Variants in PDZD2 observed in about 807,000 individuals in gnomAD.
The protein encoded by PDZD2 is PDZ domain-containing protein 2.
A neutral mutation model predicts 220.7 loss-of-function variants in PDZD2; 90 were observed. That is an observed-to-expected ratio of 0.41 (90% CI 0.34 to 0.49). The LOEUF is 0.49. Ranked by LOEUF, PDZD2 falls within the 20% of genes least tolerant of loss-of-function variation. The probability of loss-of-function intolerance (pLI) is 0.28; values close to 1 mark genes in which losing one functional copy is unlikely to be tolerated. For synonymous variants in PDZD2, 1,375 were observed against 1,450.5 expected (o/e 0.95, Z 1.18); for missense variants, 3,174 against 3,608.5 (o/e 0.88, Z 3.08).
At chr5:31,879,928 T>TC in intron 2 of PDZD2, among the ~76,000 whole-genome samples, 1 of 151,350 alleles carries the variant, frequency 6.6e-6, no homozygotes, top group Non-Finnish European at 1.5e-5. Context: ...TTTTTTTTTT[T>TC]TTAACACGGA....
intron 2 of PDZD2, among the ~76,000 whole-genome samples, chr5:31,982,110 C>G (rs532751726): frequency 2.6e-4 from 40 of 152,340 alleles, no homozygotes; most frequent in Admixed American, 1.0e-3. Flanking sequence ...CTCCAACAGC[C>G]TTTTGTCCTG....
intron 1 of PDZD2, among the ~76,000 whole-genome samples, chr5:31,655,965 G>T (rs1273308999): frequency 3.9e-5 from 6 of 152,186 alleles, no homozygotes; most frequent in Non-Finnish European, 8.8e-5. Flanking sequence ...GCATATTAGG[G>T]TTTAAATTGG....
At chr5:31,751,750 G>A (rs1273112133) in intron 1 of PDZD2, among the ~76,000 whole-genome samples, 1 of 152,130 alleles carries the variant, frequency 6.6e-6, no homozygotes, top group Admixed American at 6.5e-5. Flanking sequence ...TCAGCATCCT[G>A]GGAGAGGTGG....
intron 1 of PDZD2, among the ~76,000 whole-genome samples, chr5:31,759,470 G>A (rs1161871880): frequency 6.6e-6 from 1 of 152,084 alleles, no homozygotes. Context: ...AAAAGTGGGA[G>A]GTGGGAATGG....
chr5:31,732,638 A>C (rs1749601427), intron 1 of PDZD2, among the ~76,000 whole-genome samples: 1 of 152,212 alleles, frequency 6.6e-6, no homozygotes, highest in African/African-American at 2.4e-5. Context: ...TTCCTTGGAG[A>C]AGGCCATTTC....
intron 2 of PDZD2, among the ~76,000 whole-genome samples, chr5:31,862,737 T>A (rs1352602574): frequency 6.6e-6 from 1 of 151,882 alleles, no homozygotes; most frequent in East Asian, 1.9e-4. Flanking sequence ...ATTTTTATAT[T>A]TTTTTTCCAA....
At chr5:31,796,513 G>A (rs370228871) in intron 1 of PDZD2, among the ~76,000 whole-genome samples, 1 of 152,008 alleles carries the variant, frequency 6.6e-6, no homozygotes, top group African/African-American at 2.4e-5. Context: ...CCTGCCACAG[G>A]GTAGAAACTA....
chr5:31,682,968 TGG>T (rs1487568663), intron 1 of PDZD2, among the ~76,000 whole-genome samples: 5 of 152,076 alleles, frequency 3.3e-5, no homozygotes, highest in African/African-American at 1.2e-4. Flanking sequence ...CCAAGTCAGA[TGG>T]GAGTCATTTT....
intron 3 of PDZD2, among the ~76,000 whole-genome samples, chr5:31,984,634 A>G (rs1286036474): frequency 6.6e-6 from 1 of 150,920 alleles, no homozygotes; most frequent in African/African-American, 2.5e-5. Flanking sequence ...GAGGCTAAGG[A>G]TGGTAGATCA....
In PDZD2 at chr5:31,672,301, G is replaced by A. The variant is rs544186529; in HGVS notation, c.-361+32864G>A. Among the ~76,000 whole-genome samples, 15 of 152,240 alleles carry A rather than the reference G, an allele frequency of 9.9e-5. No homozygotes were observed. The South Asian group carries it at 1.9e-3, about 19-fold the overall frequency. On this transcript the variant is annotated intron_variant, in intron 1 of 24. Coordinates refer to ENST00000438447, the MANE Select transcript of PDZD2 (RefSeq NM_178140.4). ...AGTCTGCATTTCTGTTGCCCTCCTC[G>A]CCAAAGCTGCTACAGCCAATTGGTG...
chr5:31,764,833 T>C (rs1264548200), intron 1 of PDZD2, among the ~76,000 whole-genome samples: 1 of 152,132 alleles, frequency 6.6e-6, no homozygotes, highest in Non-Finnish European at 1.5e-5. Flanking sequence ...TCCCAGCACT[T>C]TGGGAGGCCA....
At chr5:31,907,880 C>T (rs186054033) in intron 2 of PDZD2, among the ~76,000 whole-genome samples, 2 of 151,864 alleles carry the variant, frequency 1.3e-5, no homozygotes, top group African/African-American at 2.4e-5. Flanking sequence ...GTCAGGAGTT[C>T]GAGACCAGCC....
chr5:31,855,091 C>T (rs908848287), intron 2 of PDZD2: 4 of 985,392 alleles, frequency 4.1e-6, no homozygotes, highest in Non-Finnish European at 4.8e-6. Flanking sequence ...AGCGGATTAC[C>T]CGGCGCCCAG....
At chr5:31,680,877 G>T (rs72753596) in intron 1 of PDZD2, among the ~76,000 whole-genome samples, 4,313 of 152,208 alleles carry the variant, frequency 0.028, 90 homozygotes, top group South Asian at 0.1. Context: ...AGAGATGCCT[G>T]CCCCACAGCA....
intron 1 of PDZD2, among the ~76,000 whole-genome samples, chr5:31,677,615 TAAAAAAAAAAAAAAAAA>T (rs772919181): frequency 1.6e-5 from 2 of 128,024 alleles, no homozygotes; most frequent in Non-Finnish European, 3.1e-5. Context: ...GACTCCGTCT[TAAAAAAAAAAAAAAAAA>T]AAAAAAAAAA....
chr5:32,069,474 T>C, intron 14 of PDZD2, 95 bp from the exon 15 acceptor site: 1 of 744,768 alleles, frequency 1.3e-6, no homozygotes, highest in Non-Finnish European at 2.4e-6. Context: ...TTTGCCTCTT[T>C]ATCTGCACTT....
At chr5:31,842,977 G>T (rs1473502848) in intron 2 of PDZD2, among the ~76,000 whole-genome samples, 1 of 152,030 alleles carries the variant, frequency 6.6e-6, no homozygotes, top group Non-Finnish European at 1.5e-5. Context: ...TGCCTCCTGG[G>T]TTCAAGTGAT....
At chr5:31,846,425 A>G (rs1447740526) in intron 2 of PDZD2, among the ~76,000 whole-genome samples, 1 of 152,092 alleles carries the variant, frequency 6.6e-6, no homozygotes. Context: ...GTGAGCCACC[A>G]CGCCTGGCCA....
At chr5:32,072,436 G>T in intron 17 of PDZD2, 119 bp downstream of exon 17, 1 of 833,864 alleles carries the variant, frequency 1.2e-6, no homozygotes. Context: ...TACGAGAAAA[G>T]AGCTGGAGAC....
Sources: gnomAD v4.1 joint callset for allele counts (sites outside exome capture counted in the v4.1 genomes callset) on GRCh38, gnomAD v4.1.1 for gene constraint, MANE v1.5 for transcripts, NCBI Gene and HGNC (gene_info 2026-07-23, HGNC 2026-07-21) for gene names.